Variants in GALK1 observed in about 807,000 individuals in gnomAD.
GALK1 encodes galactokinase 1.
In GALK1, 30 loss-of-function variants were observed where a neutral mutation model predicts 38.6. That is an observed-to-expected ratio of 0.78 (90% CI 0.58 to 1.05). The LOEUF (loss-of-function observed/expected upper bound fraction) is 1.05, where lower values mean the gene tolerates loss of function less well. Among genes scored for constraint, GALK1 ranks in the 50% least tolerant of loss-of-function variants. The pLI, the probability that GALK1 is intolerant of heterozygous loss-of-function variation, is 0.00. For synonymous variants in GALK1, 240 were observed against 233.6 expected, an observed-to-expected ratio of 1.03 and a Z score of -0.25; for missense variants, 512 against 540.5, an observed-to-expected ratio of 0.95 and a Z score of 0.52.
rs756405600 is a variant in GALK1, at chr17:75,763,145, C to T, written c.480G>A (p.Ser160=). ...CCTGGGCGCGGGCAGCTATTGTGCC[C>T]GAGTCTGCAGTACAGGGTGAGGTGG... is the stretch of plus-strand genomic sequence containing the variant. ...YTFLQQLCPD[S]GTIAARAQVC... is the part of the protein sequence containing the mutation. The change falls in exon 4 of 8, where the codon TCG becomes TCA. Residue 160 remains serine (S), a synonymous_variant. Transcript: ENST00000588479. 14 of 1,611,466 alleles carry T rather than the reference C, an allele frequency of 8.7e-6. No individual in the cohort carries two copies. Among genetic ancestry groups the T allele is most frequent in the South Asian group, 5.5e-5 (5 of 91,068 alleles).
At chr17:75,755,646 C>G (rs1357224077), downstream of GALK1, 1 of 1,607,988 alleles carries the variant, frequency 6.2e-7, no homozygotes, top group African/African-American at 1.3e-5. Context: ...CACTGTGACT[C>G]CCACTGAGAC....
Position 75,765,129 on chromosome 17 carries a change from G to A in GALK1, c.8C>T (p.Ala3Val). The change falls in exon 1 of 8, where the codon GCT (alanine) becomes GTT (valine). Residue 3 changes from alanine (A) to valine (V), a missense_variant. By Grantham distance (64) the Ala-to-Val change is moderately conservative. Coordinates refer to ENST00000588479, the MANE Select transcript of GALK1 (RefSeq NM_000154.2). ...CTCCGCGACCTGGGGCTGTCTCAAA[G>A]CAGCCATGACGCGCGCCTGCAGCTC... MA[A>V]LRQPQVAELL... 2.5e-6 allele frequency: 4 copies of A among 1,570,038 alleles called. No homozygotes were observed. The highest frequency in any genetic ancestry group is 1.4e-5 in the African/African-American group (1 of 73,810).
Position 75,765,090 on chromosome 17 carries a change from G to T in GALK1, c.47C>A (p.Ala16Asp). Reference sequence around the variant, plus strand: ...GAACTCCTCCCGGAAGGCTCGCCGGGCCTCGGCCAGCAGCTCCGCGACCTG... The same window carrying T: ...GAACTCCTCCCGGAAGGCTCGCCGGTCCTCGGCCAGCAGCTCCGCGACCTG... Reference protein sequence around the residue: ...QPQVAELLAEARRAFREEFGA... With the variant: ...QPQVAELLAEDRRAFREEFGA... The change falls in exon 1 of 8, where the codon GCC becomes GAC. Residue 16 changes from alanine to aspartate, a missense_variant. By Grantham distance (126) the Ala-to-Asp change is moderately radical (BLOSUM62 -2). Transcript: ENST00000588479. 2 of 1,592,274 alleles carry T rather than the reference G, an allele frequency of 1.3e-6. No individual in the cohort carries two copies. The highest frequency in any genetic ancestry group is 1.7e-6 in the Non-Finnish European group (2 of 1,170,654).
At position 75,757,976 on chromosome 17, in the gene GALK1, T is replaced by C; in HGVS notation, c.*80A>G. ...CACAAGTTTATTGAGCACCCGGATA[T>C]GGAAGATGGCACCGGGCACAGAGCC... is the stretch of plus-strand genomic sequence containing the variant. On this transcript the variant is annotated 3_prime_UTR_variant, in exon 8 of 8. Transcript: ENST00000588479. 6.7e-7 allele frequency: 1 copy of C among 1,496,224 alleles called. No individual in the cohort carries two copies. Among genetic ancestry groups the C allele is most frequent in the Non-Finnish European group, 9.2e-7 (1 of 1,083,740 alleles). 92.7% of individuals were successfully genotyped at this position (1,496,224 alleles called of 1,614,324 possible).
chr17:75,754,674 C>T (rs138478973), downstream of GALK1: 923 of 1,614,108 alleles, frequency 5.7e-4, 4 homozygotes, highest in African/African-American at 0.011. Context: ...TGGCACCCAC[C>T]TGAGCCCACA....
Position 75,764,325 on chromosome 17 carries a change from G to T in GALK1, c.166-239C>A, listed in dbSNP as rs545732466. The T allele has an allele frequency of 8.1e-6, 6 of 744,640 alleles. No homozygotes were observed. In the South Asian group the frequency reaches 8.2e-5, roughly 10 times the overall value. The allele number at this position is 744,640 out of a possible 1,614,324, so 46.1% of individuals were successfully genotyped here. A position where few individuals can be genotyped will look rare whatever the true frequency, so the allele number is the denominator to read the frequency against. On this transcript the variant is annotated intron_variant, in intron 1 of 7. Coordinates refer to ENST00000588479, the MANE Select transcript of GALK1 (RefSeq NM_000154.2). ...AGCACAGACCTGGACTCTGCCCTGA[G>T]CTGTGGGGCAAGGGGGAGAGCTAGC...
chr17:75,758,515 G>A lies in GALK1; in HGVS notation c.878C>T (p.Ala293Val). The A allele has an allele frequency of 6.3e-7, 1 of 1,582,348 alleles. No homozygotes were observed. The highest frequency in any genetic ancestry group is 8.6e-7 in the Non-Finnish European group (1 of 1,168,136). The stretch of plus-strand genomic sequence containing the variant: ...TCTGTAGTCGCCACGTCTCAGGGCG[G>A]CCGCTGCCTGGGCCGTGCGCCGAAT... ...GEIRRTAQAA[A>V]ALRRGDYRAF... is the part of the protein sequence containing the mutation. The change falls in exon 6 of 8, where the codon GCC becomes GTC. Residue 293 changes from alanine (A) to valine (V), a missense_variant. By Grantham distance (64) the Ala-to-Val change is moderately conservative. Transcript: ENST00000588479.
At chr17:75,754,979 C>T, downstream of GALK1, 1 of 1,536,742 alleles carries the variant, frequency 6.5e-7, no homozygotes, top group Non-Finnish European at 8.9e-7. Flanking sequence ...CACATGTACA[C>T]AGACATGCAT....
At chr17:75,755,990 C>T (rs1599320126), downstream of GALK1, 4 of 1,052,104 alleles carry the variant, frequency 3.8e-6, no homozygotes, top group Middle Eastern at 3.0e-4. Context: ...CTGAGAGGGT[C>T]TCCCACCCCA....
In GALK1 at chr17:75,763,903, A is replaced by T; in HGVS notation, c.349T>A (p.Tyr117Asn). ...ANYVKGVIQY[Y>N]PAAPLPGFSA... Reference sequence around the variant, plus strand: ...TCAGGCCTGGGCCCCATACCTGGGTAGTACTGAATCACTCCCTTGACATAG... The same window carrying T: ...TCAGGCCTGGGCCCCATACCTGGGTTGTACTGAATCACTCCCTTGACATAG... Residue 117 changes from tyrosine to asparagine, a missense_variant, in exon 2 of 8, where the codon TAC becomes AAC. Transcript: ENST00000588479. The T allele has an allele frequency of 1.2e-6, 2 of 1,613,858 alleles. No individual in the cohort carries two copies. Among genetic ancestry groups the T allele is most frequent in the Non-Finnish European group, 1.7e-6 (2 of 1,179,952 alleles).
At chr17:75,755,557 G>C (rs2061477528), downstream of GALK1, 1 of 1,024,974 alleles carries the variant, frequency 9.8e-7, no homozygotes, top group East Asian at 2.6e-5. Flanking sequence ...AGCCTGGACA[G>C]GGTGTTGCAG....
chr17:75,759,877 A>G (rs2061580154), intron 5 of GALK1, among the ~76,000 whole-genome samples: 1 of 152,206 alleles, frequency 6.6e-6, no homozygotes, highest in Admixed American at 6.5e-5. Flanking sequence ...CAGCCAGTCA[A>G]GAGCATGGGC....
chr17:75,753,761 C>G (rs749884526), downstream of GALK1: 3 of 1,438,120 alleles, frequency 2.1e-6, no homozygotes, highest in Non-Finnish European at 2.7e-6. Flanking sequence ...TCGTTGTTCC[C>G]AAGGCTGCGG....
chr17:75,755,285 G>T, downstream of GALK1: 1 of 1,487,446 alleles, frequency 6.7e-7, no homozygotes, highest in Non-Finnish European at 9.1e-7. Context: ...CATAGCAGCC[G>T]CCAGCTGTGC....
intron 5 of GALK1, 73 bp from the exon 6 acceptor site, chr17:75,758,672 C>T (rs1225491282): frequency 6.6e-6 from 10 of 1,526,450 alleles, no homozygotes; most frequent in East Asian, 2.4e-5. Flanking sequence ...GACCAGCAGG[C>T]GGTGATGGCA....
rs2061600209 is a variant in GALK1 at position 75,764,092 on chromosome 17, A to G, written c.166-6T>C. The G allele has an allele frequency of 1.3e-6, 2 of 1,570,354 alleles. No homozygotes were observed. The highest frequency in any genetic ancestry group is 1.7e-6 in the Non-Finnish European group (2 of 1,162,204). The stretch of plus-strand genomic sequence containing the variant: ...ACCGTCATGAGCTCCAGAGCCTGGC[A>G]GGAGAGACAAGCAGTACGTGAGGCT... On this transcript the variant is annotated splice_polypyrimidine_tract_variant and splice_region_variant and intron_variant, in intron 1 of 7. Transcript: ENST00000588479.
chr17:75,756,254 A>T (rs2061498584), downstream of GALK1, among the ~76,000 whole-genome samples: 1 of 152,166 alleles, frequency 6.6e-6, no homozygotes, highest in Non-Finnish European at 1.5e-5. Context: ...CCACTCTTGT[A>T]TAGTACACAA....
downstream of GALK1, chr17:75,754,876 A>G (rs764094744): frequency 1.3e-4 from 209 of 1,610,266 alleles, no homozygotes; most frequent in Non-Finnish European, 1.7e-4. Context: ...CAGCTCCTGG[A>G]GCCTCGGGCT....
At chr17:75,756,898 G>C, downstream of GALK1, 1 of 1,612,202 alleles carries the variant, frequency 6.2e-7, no homozygotes, top group Non-Finnish European at 8.5e-7. Flanking sequence ...CCAGGGGAGG[G>C]GTAAAGAGGG....
Sources: gnomAD v4.1 joint callset for allele counts (sites outside exome capture counted in the v4.1 genomes callset) on GRCh38, gnomAD v4.1.1 for gene constraint, MANE v1.5 for transcripts, NCBI Gene and HGNC (gene_info 2026-07-23, HGNC 2026-07-21) for gene names.